The following PRKD1 variants were observed in gnomAD, a reference collection of about 807,000 sequenced individuals.
PRKD1 encodes protein kinase D1, also known as serine/threonine-protein kinase D1.
A neutral mutation model predicts 95.9 loss-of-function variants in PRKD1; 63 were observed. The ratio of observed to expected loss-of-function variants is 0.66; its 90% CI spans 0.54 to 0.81. The LOEUF (loss-of-function observed/expected upper bound fraction) is 0.81. Ranked by LOEUF, PRKD1 falls within the 30% of genes least tolerant of loss-of-function variation. The probability of loss-of-function intolerance (pLI) is 0.00; values close to 1 mark genes in which losing one functional copy is unlikely to be tolerated. For missense variants in PRKD1, 1,048 were observed against 1,165.3 expected, an observed-to-expected ratio of 0.90 and a Z score of 1.47; for synonymous variants, 425 against 423.1, an observed-to-expected ratio of 1.00 and a Z score of -0.05.
chr14:29,670,470 A>AT (rs900897968), intron 2 of PRKD1, among the ~76,000 whole-genome samples: 1 of 152,210 alleles, frequency 6.6e-6, no homozygotes, highest in Non-Finnish European at 1.5e-5. Flanking sequence ...ATATAGTCTT[A>AT]TTTTAATTAT....
At chr14:29,846,216 T>C (rs1892071788) in intron 1 of PRKD1, among the ~76,000 whole-genome samples, 1 of 152,172 alleles carries the variant, frequency 6.6e-6, no homozygotes, top group Non-Finnish European at 1.5e-5. Flanking sequence ...CCCTGATTTA[T>C]GGAGCTTACA....
chr14:29,703,642 G>A (rs1409858621), intron 2 of PRKD1, among the ~76,000 whole-genome samples: 1 of 152,156 alleles, frequency 6.6e-6, no homozygotes. Flanking sequence ...AAAGGAAGAT[G>A]ATAAGATTTA....
intron 4 of PRKD1, 51 bp downstream of exon 4, chr14:29,663,648 C>T (rs1344972882): frequency 6.3e-7 from 1 of 1,586,258 alleles, no homozygotes; most frequent in East Asian, 2.2e-5. Context: ...TATCACATCA[C>T]CCCACAGATT....
intron 1 of PRKD1, among the ~76,000 whole-genome samples, chr14:29,800,792 C>G (rs1195503865): frequency 6.6e-6 from 1 of 151,970 alleles, no homozygotes; most frequent in Non-Finnish European, 1.5e-5. Flanking sequence ...TTGTGACATC[C>G]CTCTATTTTT....
intron 1 of PRKD1, among the ~76,000 whole-genome samples, chr14:29,759,354 T>C (rs1260050889): frequency 1.3e-5 from 2 of 152,206 alleles, no homozygotes; most frequent in Non-Finnish European, 2.9e-5. Context: ...ACAGCACCCA[T>C]GAAATAGATT....
At chr14:29,876,901 T>C (rs1185743354) in intron 1 of PRKD1, among the ~76,000 whole-genome samples, 1 of 152,014 alleles carries the variant, frequency 6.6e-6, no homozygotes, top group African/African-American at 2.4e-5. Flanking sequence ...CCTGTAATCC[T>C]AGCACGTTGG....
intron 13 of PRKD1, among the ~76,000 whole-genome samples, chr14:29,614,856 A>ATTTTT (rs55917722): frequency 2.6e-5 from 3 of 115,676 alleles, no homozygotes; most frequent in African/African-American, 3.6e-5. Context: ...TGCCCAGCTA[A>ATTTTT]TTTTTTTTTT....
Position 29,577,028 on chromosome 14 carries a change from C to T in PRKD1, c.*210G>A, listed in dbSNP as rs1408653087. 5 of 594,206 alleles carry T rather than the reference C, an allele frequency of 8.4e-6. No individual in the cohort carries two copies. Among genetic ancestry groups the T allele is most frequent in the South Asian group, 2.1e-5 (1 of 46,852 alleles). 36.8% of individuals were successfully genotyped at this position (594,206 alleles called of 1,614,324 possible). On this transcript the variant is annotated 3_prime_UTR_variant, in exon 18 of 18. Coordinates refer to ENST00000331968, the MANE Select transcript of PRKD1 (RefSeq NM_002742.3). ...ATAACAAGTTTCGTGTTTCAGGGAA[C>T]TTTTGTTAATACAACACAGTTGGTC...
At chr14:29,858,931 A>G (rs1892606082) in intron 1 of PRKD1, among the ~76,000 whole-genome samples, 1 of 152,174 alleles carries the variant, frequency 6.6e-6, no homozygotes, top group South Asian at 2.1e-4. Flanking sequence ...ATCTGCTTCC[A>G]ATATTACAAG....
intron 2 of PRKD1, among the ~76,000 whole-genome samples, chr14:29,713,947 G>C (rs1885464868): frequency 6.6e-6 from 1 of 152,156 alleles, no homozygotes; most frequent in South Asian, 2.1e-4. Context: ...TTCTAGACCT[G>C]TTCTTTTAAT....
intron 1 of PRKD1, among the ~76,000 whole-genome samples, chr14:29,769,309 C>G (rs1399508121): frequency 6.6e-6 from 1 of 152,018 alleles, no homozygotes; most frequent in Non-Finnish European, 1.5e-5. Context: ...TGGCTCACAC[C>G]TGTAATCCCG....
intron 2 of PRKD1, among the ~76,000 whole-genome samples, chr14:29,698,111 T>C (rs980274754): frequency 7.2e-5 from 11 of 152,204 alleles, no homozygotes; most frequent in Non-Finnish European, 4.4e-5. Context: ...TTTACAGCAC[T>C]AACCTGTTGT....
intron 1 of PRKD1, among the ~76,000 whole-genome samples, chr14:29,845,826 T>C (rs112874753): frequency 1.3e-5 from 2 of 152,146 alleles, no homozygotes; most frequent in South Asian, 2.1e-4. Context: ...GCATCTATTA[T>C]TATTAAATAT....
intron 1 of PRKD1, chr14:29,751,190 G>A (rs1230565560): frequency 1.3e-5 from 2 of 152,162 alleles, no homozygotes; most frequent in Non-Finnish European, 2.9e-5. Context: ...TAGAATCCTA[G>A]TGTATTTTCA....
chr14:29,814,664 C>T (rs1890622173), intron 1 of PRKD1, among the ~76,000 whole-genome samples: 1 of 152,198 alleles, frequency 6.6e-6, no homozygotes. Context: ...AGGCTCGGAT[C>T]CCAGGCTGGC....
At chr14:29,791,403 A>G (rs1218508406) in intron 1 of PRKD1, among the ~76,000 whole-genome samples, 5 of 152,192 alleles carry the variant, frequency 3.3e-5, no homozygotes, top group Admixed American at 2.6e-4. Flanking sequence ...CACTGAAATT[A>G]CCAGATAATG....
chr14:29,842,183 T>C (rs1211514281), intron 1 of PRKD1, among the ~76,000 whole-genome samples: 2 of 152,230 alleles, frequency 1.3e-5, no homozygotes, highest in Non-Finnish European at 2.9e-5. Flanking sequence ...TGAAGTTGTT[T>C]TGCAGTTAAC....
intron 2 of PRKD1, among the ~76,000 whole-genome samples, chr14:29,718,800 G>T (rs949168604): frequency 6.6e-6 from 1 of 152,042 alleles, no homozygotes; most frequent in African/African-American, 2.4e-5. Context: ...GTAGTAGTAG[G>T]GCTGAGAAGG....
At chr14:29,825,183 T>C (rs995516005) in intron 1 of PRKD1, among the ~76,000 whole-genome samples, 4 of 152,136 alleles carry the variant, frequency 2.6e-5, no homozygotes, top group Non-Finnish European at 5.9e-5. Flanking sequence ...TTTCTCAGGT[T>C]ACATGTGCCA....
Sources: gnomAD v4.1 joint callset for allele counts (sites outside exome capture counted in the v4.1 genomes callset) on GRCh38, gnomAD v4.1.1 for gene constraint, MANE v1.5 for transcripts, NCBI Gene and HGNC (gene_info 2026-07-23, HGNC 2026-07-21) for gene names.